Variants in NAALADL2 observed in about 807,000 individuals in gnomAD.
The protein encoded by NAALADL2 is N-acetylated alpha-linked acidic dipeptidase like 2.
In NAALADL2, 76 loss-of-function variants were observed where a neutral mutation model predicts 87.2. The observed-to-expected ratio is 0.87, with a 90% CI of 0.72 to 1.05. The LOEUF (loss-of-function observed/expected upper bound fraction) is 1.05, where lower values mean the gene tolerates loss of function less well. Ranked by LOEUF, NAALADL2 falls within the 50% of genes least tolerant of loss-of-function variation. NAALADL2 has a pLI of 0.00. For synonymous variants in NAALADL2, 354 were observed against 331.0 expected, an observed-to-expected ratio of 1.07 and a Z score of -0.75; for missense variants, 1,089 against 945.8, an observed-to-expected ratio of 1.15 and a Z score of -1.99.
intron 5 of NAALADL2, among the ~76,000 whole-genome samples, chr3:175,411,523 A>G (rs1404272722): frequency 2.7e-5 from 4 of 148,364 alleles, no homozygotes; most frequent in African/African-American, 2.6e-5. Context: ...AGCTTAAGAC[A>G]CAGAATTGGG....
intron 5 of NAALADL2, among the ~76,000 whole-genome samples, chr3:175,329,015 C>T (rs1319454643): frequency 6.6e-6 from 1 of 152,150 alleles, no homozygotes; most frequent in African/African-American, 2.4e-5. Context: ...TTTCTTCCAT[C>T]TACTTTCTTT....
intron 2 of NAALADL2, among the ~76,000 whole-genome samples, chr3:174,672,550 T>C (rs1290962331): frequency 6.6e-6 from 1 of 152,040 alleles, no homozygotes; most frequent in Non-Finnish European, 1.5e-5. Context: ...ATGATGATCA[T>C]GATGATGATA....
intron 5 of NAALADL2, among the ~76,000 whole-genome samples, chr3:175,356,155 G>A (rs540359498): frequency 3.3e-5 from 5 of 152,222 alleles, no homozygotes; most frequent in Non-Finnish European, 7.4e-5. Context: ...CAAGCCGGGG[G>A]TAAGAGGAGT....
intron 2 of NAALADL2, among the ~76,000 whole-genome samples, chr3:174,697,437 A>G (rs1008146218): frequency 6.6e-6 from 1 of 152,190 alleles, no homozygotes; most frequent in Non-Finnish European, 1.5e-5. Context: ...GATAAATTTG[A>G]AGCCTTCCAG....
At chr3:175,280,687 A>G (rs1465262571) in intron 4 of NAALADL2, among the ~76,000 whole-genome samples, 2 of 152,020 alleles carry the variant, frequency 1.3e-5, no homozygotes, top group African/African-American at 4.8e-5. Flanking sequence ...CCTGTTCCTG[A>G]TAGGCTTAAA....
intron 1 of NAALADL2, among the ~76,000 whole-genome samples, chr3:174,947,258 G>GT (rs1006498743): frequency 2.0e-5 from 3 of 152,004 alleles, no homozygotes; most frequent in African/African-American, 7.3e-5. Flanking sequence ...ACATGAGTGG[G>GT]TTTTTTTGTT....
At chr3:175,088,180 T>A in intron 1 of NAALADL2, among the ~76,000 whole-genome samples, 1 of 152,190 alleles carries the variant, frequency 6.6e-6, no homozygotes, top group South Asian at 2.1e-4. Context: ...CAATTTTAAT[T>A]TTCTTTAGAT....
chr3:174,817,686 A>G (rs564749440), intron 3 of NAALADL2, among the ~76,000 whole-genome samples: 1 of 152,274 alleles, frequency 6.6e-6, no homozygotes, highest in South Asian at 2.1e-4. Flanking sequence ...TTAAAAACAA[A>G]TGCTTTCCAA....
chr3:174,698,236 A>G (rs1332649130), intron 2 of NAALADL2, among the ~76,000 whole-genome samples: 2 of 142,716 alleles, frequency 1.4e-5, no homozygotes, highest in African/African-American at 5.7e-5. Flanking sequence ...TATTTAGTTA[A>G]TCTGTTTCCA....
At chr3:174,452,837 C>G (rs528115861) in intron 1 of NAALADL2, among the ~76,000 whole-genome samples, 5 of 152,156 alleles carry the variant, frequency 3.3e-5, no homozygotes, top group African/African-American at 7.2e-5. Context: ...TGAGAAAGAA[C>G]CAGTGCAAGA....
intron 9 of NAALADL2, among the ~76,000 whole-genome samples, chr3:175,522,830 C>G (rs1732837970): frequency 6.6e-6 from 1 of 152,236 alleles, no homozygotes; most frequent in Admixed American, 6.5e-5. Flanking sequence ...GTTGGGGAGT[C>G]TTTTCTCTCA....
intron 10 of NAALADL2, among the ~76,000 whole-genome samples, chr3:175,591,027 C>A (rs199946607): frequency 6.6e-6 from 1 of 151,866 alleles, no homozygotes; most frequent in Non-Finnish European, 1.5e-5. Context: ...TATGATTAAC[C>A]TGTAAGGCAA....
intron 3 of NAALADL2, among the ~76,000 whole-genome samples, chr3:174,815,980 A>G (rs1720754822): frequency 6.6e-6 from 1 of 151,922 alleles, no homozygotes; most frequent in Non-Finnish European, 1.5e-5. Context: ...ATAGGAATTC[A>G]AGATGAATTT....
intron 3 of NAALADL2, among the ~76,000 whole-genome samples, chr3:174,826,075 AT>A (rs1214189290): frequency 6.6e-6 from 1 of 151,346 alleles, no homozygotes; most frequent in African/African-American, 2.5e-5. Context: ...AACAACAACA[AT>A]CAAACAAAAT....
intron 1 of NAALADL2, among the ~76,000 whole-genome samples, chr3:175,013,651 C>G (rs971881901): frequency 2.6e-5 from 4 of 151,932 alleles, no homozygotes; most frequent in African/African-American, 9.7e-5. Context: ...TATGATAGCT[C>G]TCTTGATTAA....
chr3:175,703,614 G>T (rs971581867), intron 11 of NAALADL2, among the ~76,000 whole-genome samples: 1 of 151,980 alleles, frequency 6.6e-6, no homozygotes, highest in African/African-American at 2.4e-5. Context: ...GCGGTGGCAG[G>T]CACCTGTAAT....
At chr3:175,288,837 T>G (rs140187670) in intron 4 of NAALADL2, among the ~76,000 whole-genome samples, 153 of 152,332 alleles carry the variant, frequency 1.0e-3, no homozygotes, top group Middle Eastern at 3.4e-3. Flanking sequence ...CAGCTACTTA[T>G]GCTGTTCTCA....
chr3:175,289,581 C>T (rs998770757), intron 4 of NAALADL2, among the ~76,000 whole-genome samples: 7 of 146,000 alleles, frequency 4.8e-5, no homozygotes, highest in Admixed American at 2.1e-4. Flanking sequence ...TTTCTTAGAA[C>T]ACATATAGCC....
At chr3:175,145,802 G>A (rs1730663147) in intron 2 of NAALADL2, among the ~76,000 whole-genome samples, 1 of 151,978 alleles carries the variant, frequency 6.6e-6, no homozygotes, top group South Asian at 2.1e-4. Context: ...ACTATTTAAA[G>A]TTTTTAATAA....
Sources: allele counts gnomAD v4.1 joint callset (sites outside exome capture counted in the v4.1 genomes callset), GRCh38; gene constraint gnomAD v4.1.1; transcripts MANE v1.5; gene names NCBI Gene and HGNC (gene_info 2026-07-23, HGNC 2026-07-21).